Variants in RIMBP2 observed in about 807,000 individuals in gnomAD.
RIMBP2 encodes the protein RIMS-binding protein 2.
In RIMBP2, 48 loss-of-function variants were observed where a neutral mutation model predicts 118.6. That is an observed-to-expected ratio of 0.40 (90% CI 0.32 to 0.51). The LOEUF (loss-of-function observed/expected upper bound fraction) is 0.51. Ranked by LOEUF, RIMBP2 falls within the 20% of genes least tolerant of loss-of-function variation. The pLI, the probability that RIMBP2 is intolerant of heterozygous loss-of-function variation, is 0.41. For missense variants in RIMBP2, 1,551 were observed against 1,768.3 expected, an observed-to-expected ratio of 0.88 and a Z score of 2.20; for synonymous variants, 762 against 742.9, an observed-to-expected ratio of 1.03 and a Z score of -0.42.
At chr12:130,662,821 C>T (rs1237328248) in intron 1 of RIMBP2, among the ~76,000 whole-genome samples, 3 of 151,874 alleles carry the variant, frequency 2.0e-5, no homozygotes, top group Non-Finnish European at 2.9e-5. Flanking sequence ...CTGGGTGTGG[C>T]GGTGCACTCC....
chr12:130,535,738 CATATATAT>C lies in RIMBP2; in HGVS notation c.-216-17829_-216-17822del, dbSNP rs55887629. Reference sequence around the variant, plus strand: ...ATATACATATATATACATATATATACATATATATATATATATATATATATATATATATA... The same window carrying C: ...ATATACATATATATACATATATATACATATATATATATATATATATATATA... On this transcript the variant is annotated intron_variant, in intron 2 of 22. Coordinates refer to ENST00000690449, the MANE Select transcript of RIMBP2 (RefSeq NM_001393629.1). 7.5e-3 allele frequency among the ~76,000 whole-genome samples: 496 copies of C among 66,572 alleles called. 2 individuals are homozygous for C. Among genetic ancestry groups the C allele is most frequent in the African/African-American group, 0.013 (320 of 25,036 alleles). 43.7% of individuals were successfully genotyped at this position (66,572 alleles called of 152,430 possible).
At chr12:130,561,712 A>G (rs1341841445) in intron 2 of RIMBP2, among the ~76,000 whole-genome samples, 1 of 152,162 alleles carries the variant, frequency 6.6e-6, no homozygotes, top group African/African-American at 2.4e-5. Context: ...AGGGATGAAC[A>G]TTCACTAAAC....
chr12:130,669,137 A>T (rs1308947789), intron 1 of RIMBP2: 2 of 152,422 alleles, frequency 1.3e-5, no homozygotes, highest in East Asian at 3.9e-4. Flanking sequence ...TGCACAGGGA[A>T]CAGCCCAAAC....
At chr12:130,517,800 A>C in intron 3 of RIMBP2, 28 bp downstream of exon 3, 1 of 952,224 alleles carries the variant, frequency 1.1e-6, no homozygotes, top group Non-Finnish European at 1.3e-6. Flanking sequence ...AGGGCCCCAG[A>C]TGGTCTGTGG....
chr12:130,712,064 G>A (rs1387487854), intron 1 of RIMBP2, among the ~76,000 whole-genome samples: 8 of 152,234 alleles, frequency 5.3e-5, no homozygotes, highest in Admixed American at 1.3e-4. Context: ...TGTATAGGGC[G>A]CTTAGCATGA....
rs530581280 is a variant in RIMBP2, at chr12:130,504,916, T to C, written c.-4+1732A>G. 5.3e-5 allele frequency among the ~76,000 whole-genome samples: 8 copies of C among 152,332 alleles called. No homozygotes were observed. In the South Asian group the frequency reaches 1.2e-3, roughly 24 times the overall value. On this transcript the variant is annotated intron_variant, in intron 4 of 22. Coordinates refer to ENST00000690449, the MANE Select transcript of RIMBP2 (RefSeq NM_001393629.1). ...TGCCAAATATCCCCTGGAGGGCAAG[T>C]TGGCCTCACTGAGAACCATCTTTCA...
intron 2 of RIMBP2, among the ~76,000 whole-genome samples, chr12:130,601,597 A>G (rs1201471370): frequency 2.0e-5 from 3 of 152,278 alleles, no homozygotes; most frequent in African/African-American, 7.2e-5. Flanking sequence ...GAGGTTTATG[A>G]GCTCTGTAAT....
intron 14 of RIMBP2, chr12:130,430,448 C>T (rs1593266631): frequency 6.6e-6 from 1 of 152,290 alleles, no homozygotes; most frequent in East Asian, 1.9e-4. Flanking sequence ...TCAGTCTTAT[C>T]ACTCGGCAAA....
At chr12:130,673,577 G>A (rs569625682) in intron 1 of RIMBP2, among the ~76,000 whole-genome samples, 296 of 152,248 alleles carry the variant, frequency 1.9e-3, no homozygotes, top group Non-Finnish European at 2.5e-3. Context: ...TGTGGGTCAA[G>A]GCCTGCCAGA....
chr12:130,675,306 C>T (rs779134600), intron 1 of RIMBP2, among the ~76,000 whole-genome samples: 7 of 152,214 alleles, frequency 4.6e-5, no homozygotes, highest in African/African-American at 1.2e-4. Flanking sequence ...CCTCTCTCCT[C>T]GTCCTGCTCC....
chr12:130,473,671 A>T (rs2081196899), intron 5 of RIMBP2, among the ~76,000 whole-genome samples: 1 of 152,226 alleles, frequency 6.6e-6, no homozygotes, highest in Non-Finnish European at 1.5e-5. Flanking sequence ...GAGGGCTACA[A>T]GGACCTTCAA....
intron 12 of RIMBP2, 96 bp from the exon 13 acceptor site, chr12:130,437,387 C>G: frequency 9.6e-7 from 1 of 1,041,050 alleles, no homozygotes. Context: ...AGGCCAGGTG[C>G]AAAGGATCAT....
chr12:130,625,355 G>T (rs12228021), intron 2 of RIMBP2, among the ~76,000 whole-genome samples: 1 of 151,950 alleles, frequency 6.6e-6, no homozygotes, highest in Non-Finnish European at 1.5e-5. Flanking sequence ...CGACAGAGCC[G>T]TTGAGAATGG....
chr12:130,401,170 C>T (rs1015717767), intron 21 of RIMBP2, among the ~76,000 whole-genome samples: 9 of 151,944 alleles, frequency 5.9e-5, no homozygotes, highest in Admixed American at 2.0e-4. Flanking sequence ...GGCTGAAGTG[C>T]AGTAGCGTGA....
chr12:130,495,998 T>C (rs1184414052), intron 4 of RIMBP2, among the ~76,000 whole-genome samples: 5 of 152,136 alleles, frequency 3.3e-5, no homozygotes, highest in Admixed American at 3.3e-4. Flanking sequence ...CCCCCTAGGG[T>C]GGGTGATGAT....
intron 2 of RIMBP2, among the ~76,000 whole-genome samples, chr12:130,601,557 GC>G (rs1352192691): frequency 6.6e-6 from 1 of 152,104 alleles, no homozygotes; most frequent in African/African-American, 2.4e-5. Context: ...GCATCATTCA[GC>G]CCAGTCTAGA....
rs2065375885 is a variant in RIMBP2 at position 130,692,826 on chromosome 12, T to A, written c.-352+23396A>T. Among the ~76,000 whole-genome samples the A allele has an allele frequency of 3.5e-5, 3 of 85,686 alleles. No individual in the cohort carries two copies. In the South Asian group the frequency reaches 1.3e-3, roughly 36 times the overall value. The allele number at this position is 85,686 out of a possible 152,430, so 56.2% of individuals were successfully genotyped here. A position where few individuals can be genotyped will look rare whatever the true frequency, so the allele number is the denominator to read the frequency against. Reference sequence around the variant, plus strand: ...GAAAAGTGGGATGGGATGGGTGGAATGGGATGGGATGGGATGGGATGGGAT... The same window carrying A: ...GAAAAGTGGGATGGGATGGGTGGAAAGGGATGGGATGGGATGGGATGGGAT... On this transcript the variant is annotated intron_variant, in intron 1 of 22. Coordinates refer to ENST00000690449, the MANE Select transcript of RIMBP2 (RefSeq NM_001393629.1).
intron 1 of RIMBP2, among the ~76,000 whole-genome samples, chr12:130,663,301 G>C (rs985682009): frequency 6.6e-6 from 1 of 152,150 alleles, no homozygotes; most frequent in African/African-American, 2.4e-5. Flanking sequence ...TGCGCCCTGA[G>C]ACAGCCTGGG....
intron 1 of RIMBP2, among the ~76,000 whole-genome samples, chr12:130,647,114 C>G (rs1377672821): frequency 6.6e-6 from 1 of 152,180 alleles, no homozygotes; most frequent in Non-Finnish European, 1.5e-5. Flanking sequence ...CTAATTGGCC[C>G]TGGGAAGTAA....
Sources: gnomAD v4.1 joint callset for allele counts (sites outside exome capture counted in the v4.1 genomes callset) on GRCh38, gnomAD v4.1.1 for gene constraint, MANE v1.5 for transcripts, NCBI Gene and HGNC (gene_info 2026-07-23, HGNC 2026-07-21) for gene names.